The following CAMKMT variants were observed in gnomAD, a reference collection of about 807,000 sequenced individuals.
CAMKMT encodes the protein calmodulin-lysine N-methyltransferase.
A neutral mutation model predicts 48.0 loss-of-function variants in CAMKMT; 53 were observed. That is an observed-to-expected ratio of 1.10 (90% CI 0.89 to 1.39). CAMKMT has a LOEUF of 1.39. Among genes scored for constraint, CAMKMT ranks in the 40% most tolerant of loss-of-function variants. The pLI is 0.00. For missense variants in CAMKMT, 428 were observed against 402.7 expected, an observed-to-expected ratio of 1.06 and a Z score of -0.54; for synonymous variants, 165 against 152.3, an observed-to-expected ratio of 1.08 and a Z score of -0.61.
chr2:44,559,451 C>G (rs912959669), intron 3 of CAMKMT, among the ~76,000 whole-genome samples: 1 of 152,214 alleles, frequency 6.6e-6, no homozygotes, highest in Admixed American at 6.5e-5. Context: ...AGAGCACCAC[C>G]TTATTTTCAT....
At chr2:44,594,752 G>A (rs1169315936) in intron 3 of CAMKMT, among the ~76,000 whole-genome samples, 1 of 152,182 alleles carries the variant, frequency 6.6e-6, no homozygotes, top group South Asian at 2.1e-4. Flanking sequence ...ATAGGCATGG[G>A]CAAAGACTTT....
At chr2:44,665,145 A>C (rs112628142) in intron 3 of CAMKMT, among the ~76,000 whole-genome samples, 19,200 of 152,142 alleles carry the variant, frequency 0.13, 1,375 homozygotes, top group Admixed American at 0.21. Flanking sequence ...ATCTCGGCTC[A>C]CTGCAACCTC....
intron 3 of CAMKMT, among the ~76,000 whole-genome samples, chr2:44,587,627 C>T (rs28398458): frequency 8.5e-5 from 9 of 105,834 alleles, no homozygotes; most frequent in South Asian, 3.1e-4. Context: ...AGGCGCGCGC[C>T]GCCACGCCTG....
chr2:44,591,093 G>A (rs1436564004), intron 3 of CAMKMT, among the ~76,000 whole-genome samples: 1 of 151,556 alleles, frequency 6.6e-6, no homozygotes, highest in Non-Finnish European at 1.5e-5. Context: ...TGAGGGCTGT[G>A]TCCTGTTCCA....
chr2:44,423,391 A>C (rs1166832088), intron 3 of CAMKMT, among the ~76,000 whole-genome samples: 1 of 151,900 alleles, frequency 6.6e-6, no homozygotes, highest in Non-Finnish European at 1.5e-5. Flanking sequence ...TATTGGCCAC[A>C]CTGGTCTCGA....
At chr2:44,587,630 C>T (rs1454731726) in intron 3 of CAMKMT, among the ~76,000 whole-genome samples, 1 of 99,414 alleles carries the variant, frequency 1.0e-5, no homozygotes, top group Admixed American at 1.1e-4. Flanking sequence ...CGCGCGCCGC[C>T]ACGCCTGACT....
intron 3 of CAMKMT, among the ~76,000 whole-genome samples, chr2:44,417,465 A>T (rs1007206807): frequency 6.6e-6 from 1 of 152,340 alleles, no homozygotes; most frequent in African/African-American, 2.4e-5. Flanking sequence ...ATTGATAGAC[A>T]TTCAGGTTGT....
At chr2:44,380,161 TC>T (rs1282576652) in intron 2 of CAMKMT, among the ~76,000 whole-genome samples, 1 of 152,212 alleles carries the variant, frequency 6.6e-6, no homozygotes, top group Non-Finnish European at 1.5e-5. Context: ...GACTCGTTCC[TC>T]AGTCCTTACT....
chr2:44,674,494 GCAAA>G (rs1465936141), intron 3 of CAMKMT, among the ~76,000 whole-genome samples: 1 of 152,128 alleles, frequency 6.6e-6, no homozygotes, highest in Non-Finnish European at 1.5e-5. Flanking sequence ...AGAAATCACT[GCAAA>G]CAAAGTAATG....
intron 3 of CAMKMT, among the ~76,000 whole-genome samples, chr2:44,464,734 T>C (rs897771547): frequency 6.6e-5 from 10 of 152,132 alleles, no homozygotes; most frequent in African/African-American, 1.2e-4. Context: ...AAAATTATCA[T>C]TTAAAGATGA....
chr2:44,590,449 C>G (rs962739615), intron 3 of CAMKMT, among the ~76,000 whole-genome samples: 5 of 152,280 alleles, frequency 3.3e-5, no homozygotes, highest in Non-Finnish European at 5.9e-5. Context: ...GATTGCCATT[C>G]TATCTGGCGT....
rs934336463 is a variant in CAMKMT, at chr2:44,653,448, T to G, written c.377-50835T>G. Among the ~76,000 whole-genome samples the G allele has an allele frequency of 2.0e-5, 3 of 152,180 alleles. No individual in the cohort carries two copies. The highest frequency in any genetic ancestry group is 1.3e-4 in the Admixed American group (2 of 15,280). On this transcript the variant is annotated intron_variant, in intron 3 of 10. Transcript: ENST00000378494. The surrounding 1 kb of genome is among the most constrained non-coding windows in gnomAD (Gnocchi z 5.2). Reference sequence around the variant, plus strand: ...AAGGAACATTAGATATAGTTTTATCTCATTGATAGAGAAACATGGGCCCTT... The same window carrying G: ...AAGGAACATTAGATATAGTTTTATCGCATTGATAGAGAAACATGGGCCCTT...
intron 6 of CAMKMT, among the ~76,000 whole-genome samples, chr2:44,713,693 C>A (rs1197508628): frequency 6.6e-6 from 1 of 151,998 alleles, no homozygotes; most frequent in Admixed American, 6.6e-5. Context: ...TCAACAAAGC[C>A]CTTCATTAGC....
chr2:44,707,258 CAT>C, intron 5 of CAMKMT, 139 bp from the exon 6 acceptor site: 4 of 695,290 alleles, frequency 5.8e-6, no homozygotes, highest in Non-Finnish European at 1.0e-5. Flanking sequence ...ATAATGCAGA[CAT>C]AAAATGAAAA....
chr2:44,425,931 A>G (rs1439334399), intron 3 of CAMKMT, among the ~76,000 whole-genome samples: 1 of 152,134 alleles, frequency 6.6e-6, no homozygotes, highest in East Asian at 1.9e-4. Flanking sequence ...TGATTTCACC[A>G]TGTTGGTCAG....
chr2:44,542,723 T>A (rs190270559), intron 3 of CAMKMT, among the ~76,000 whole-genome samples: 34 of 152,242 alleles, frequency 2.2e-4, no homozygotes, highest in African/African-American at 7.5e-4. Flanking sequence ...GCAGAACCAC[T>A]GTCAGGCCTA....
intron 3 of CAMKMT, among the ~76,000 whole-genome samples, chr2:44,453,430 A>T (rs897879686): frequency 1.2e-4 from 19 of 152,120 alleles, no homozygotes; most frequent in African/African-American, 4.6e-4. Flanking sequence ...ATCTAAACAT[A>T]ATAATGCACA....
At chr2:44,603,057 T>C (rs1374638989) in intron 3 of CAMKMT, among the ~76,000 whole-genome samples, 1 of 152,038 alleles carries the variant, frequency 6.6e-6, no homozygotes, top group African/African-American at 2.4e-5. Context: ...CACACACATA[T>C]ATAGATACAC....
intron 3 of CAMKMT, among the ~76,000 whole-genome samples, chr2:44,415,252 G>C (rs1230969474): frequency 3.9e-5 from 6 of 152,206 alleles, no homozygotes; most frequent in African/African-American, 1.2e-4. Context: ...GTTACTAAAA[G>C]ATTTCATCAA....
Sources: gnomAD v4.1 joint callset for allele counts (sites outside exome capture counted in the v4.1 genomes callset) on GRCh38, gnomAD v4.1.1 for gene constraint, Gnocchi (gnomAD v3.1) non-coding constraint, MANE v1.5 for transcripts, NCBI Gene and HGNC (gene_info 2026-07-23, HGNC 2026-07-21) for gene names.